Variants in RPL26 observed in about 807,000 individuals in gnomAD.
The protein encoded by RPL26 is large ribosomal subunit protein uL24.
Under a neutral mutation model 16.2 loss-of-function variants are expected in RPL26, and 1 was observed. The ratio of observed to expected loss-of-function variants is 0.06; its 90% CI spans 0.02 to 0.29. RPL26 has a LOEUF of 0.29. RPL26 is among the 10% of genes least tolerant of loss of function. The pLI, the probability that RPL26 is intolerant of heterozygous loss-of-function variation, is 1.00. For synonymous variants in RPL26, 55 were observed against 62.4 expected (o/e 0.88, Z 0.56); for missense variants, 102 against 184.3 (o/e 0.55, Z 2.58).
intron 3 of RPL26, 125 bp downstream of exon 3, chr17:8,379,671 T>C: frequency 1.1e-6 from 1 of 875,396 alleles, no homozygotes. Context: ...TAGTATTTAC[T>C]TTAAAATGTT....
intron 1 of RPL26, 80 bp from the exon 2 acceptor site, chr17:8,382,395 T>C: frequency 9.6e-7 from 1 of 1,042,448 alleles, no homozygotes; most frequent in South Asian, 1.5e-5. Flanking sequence ...TGATTTTATC[T>C]TGATAGTCTA....
intron 2 of RPL26, 57 bp from the exon 3 acceptor site, chr17:8,379,993 A>C (rs1907337251): frequency 6.8e-6 from 10 of 1,480,948 alleles, no homozygotes; most frequent in African/African-American, 1.4e-5. Flanking sequence ...CTTGTAAATC[A>C]AGTAAACAAA....
At chr17:8,378,505 C>A (rs1024262114) in intron 3 of RPL26, among the ~76,000 whole-genome samples, 9 of 149,710 alleles carry the variant, frequency 6.0e-5, no homozygotes, top group Middle Eastern at 3.4e-3. Context: ...ACAAAAAAAA[C>A]CCCACCCCCA....
chr17:8,382,401 G>C, intron 1 of RPL26, 86 bp from the exon 2 acceptor site: 1 of 980,260 alleles, frequency 1.0e-6, no homozygotes, highest in Middle Eastern at 2.1e-4. Flanking sequence ...TATCTTGATA[G>C]TCTAGAATGA....
intron 3 of RPL26, among the ~76,000 whole-genome samples, chr17:8,378,779 G>T (rs896819856): frequency 6.6e-6 from 1 of 152,176 alleles, no homozygotes; most frequent in African/African-American, 2.4e-5. Flanking sequence ...AGTATAGGGA[G>T]CCCGAAAACA....
intron 3 of RPL26, chr17:8,379,560 C>T: frequency 1.7e-6 from 1 of 572,958 alleles, no homozygotes; most frequent in East Asian, 2.9e-5. Flanking sequence ...GGTGAAAGAG[C>T]AAGACTGTCT....
chr17:8,382,713 A>G, intron 1 of RPL26: 1 of 303,782 alleles, frequency 3.3e-6, no homozygotes, highest in East Asian at 6.0e-5. Flanking sequence ...ATCAACGTTC[A>G]TCTTCTACAG....
At chr17:8,377,761 C>T (rs965030296) in intron 3 of RPL26, 69 bp from the exon 4 acceptor site, 1 of 1,414,358 alleles carries the variant, frequency 7.1e-7, no homozygotes. Context: ...GAAAGCCCAA[C>T]ATTCAATACC....
intron 3 of RPL26, 79 bp downstream of exon 3, chr17:8,379,717 A>G: frequency 1.5e-6 from 2 of 1,332,258 alleles, no homozygotes; most frequent in Non-Finnish European, 2.1e-6. Context: ...GACTATTTCT[A>G]TGGCCTTGCT....
At chr17:8,377,727 TTAA>T (rs1567703218) in intron 3 of RPL26, 35 bp from the exon 4 acceptor site, 1 of 1,581,300 alleles carries the variant, frequency 6.3e-7, no homozygotes, top group East Asian at 2.2e-5. Flanking sequence ...CTCCCAAGCT[TTAA>T]ATAATCACTA....
At chr17:8,378,069 G>A (rs952619609) in intron 3 of RPL26, among the ~76,000 whole-genome samples, 1 of 152,176 alleles carries the variant, frequency 6.6e-6, no homozygotes, top group Non-Finnish European at 1.5e-5. Flanking sequence ...GGTGGTTCAT[G>A]CCCCCAATCC....
Position 8,379,877 on chromosome 17 carries a change from C to G in RPL26, c.228G>C (p.Lys76Asn). The change falls in exon 3 of 4, where the codon AAG becomes AAC. Residue 76 changes from lysine to asparagine, a missense_variant. Physicochemically the swap from Lys to Asn is moderately conservative, Grantham distance 94 (BLOSUM62 0). Transcript: ENST00000648839. ...QIGKVVQVYRKKYVIYIERVQ... is the reference protein window; with the variant it reads ...QIGKVVQVYRNKYVIYIERVQ... Reference sequence around the variant, plus strand: ...CCCGTTCAATGTAGATAACATATTTCTTCCTGTAAACCTGGACTACTTTGC... The same window carrying G: ...CCCGTTCAATGTAGATAACATATTTGTTCCTGTAAACCTGGACTACTTTGC... 1 of 1,613,752 alleles carries G rather than the reference C, an allele frequency of 6.2e-7. No homozygotes were observed. The highest frequency in any genetic ancestry group is 1.1e-5 in the South Asian group (1 of 91,074).
intron 2 of RPL26, chr17:8,381,095 A>C (rs1052666275): frequency 5.9e-5 from 9 of 151,990 alleles, no homozygotes; most frequent in African/African-American, 2.2e-4. Context: ...AAACTGGCTC[A>C]TCTGATCTTG....
At chr17:8,382,037 T>C in intron 2 of RPL26, 106 bp downstream of exon 2, 3 of 992,252 alleles carry the variant, frequency 3.0e-6, no homozygotes, top group Non-Finnish European at 4.6e-6. Context: ...TGCCACTCTT[T>C]GGGAGCAAGA....
chr17:8,379,494 C>T (rs1597494595), intron 3 of RPL26: 1 of 496,660 alleles, frequency 2.0e-6, no homozygotes, highest in East Asian at 3.3e-5. Context: ...GAATCGCTTG[C>T]ACTTGGGAGG....
chr17:8,378,490 C>T (rs1907259696), intron 3 of RPL26, among the ~76,000 whole-genome samples: 1 of 151,524 alleles, frequency 6.6e-6, no homozygotes, highest in Admixed American at 6.6e-5. Flanking sequence ...AAAACTCTGT[C>T]CAAAACAAAA....
chr17:8,382,794 C>T (rs1907486424), intron 1 of RPL26: 1 of 371,754 alleles, frequency 2.7e-6, no homozygotes, highest in Non-Finnish European at 4.8e-6. Flanking sequence ...GAAAAGCCTG[C>T]ACACGTCTCG....
At chr17:8,379,039 C>T (rs949699150) in intron 3 of RPL26, 1 of 152,226 alleles carries the variant, frequency 6.6e-6, no homozygotes, top group Non-Finnish European at 1.5e-5. Flanking sequence ...TTAAAACATA[C>T]ACCTGGGTCA....
intron 1 of RPL26, chr17:8,382,918 A>G (rs1907493787): frequency 2.5e-6 from 1 of 396,996 alleles, no homozygotes; most frequent in Non-Finnish European, 4.4e-6. Flanking sequence ...ACTCCAGTCT[A>G]TTTCCACAGG....
Sources: allele counts gnomAD v4.1 joint callset (sites outside exome capture counted in the v4.1 genomes callset), GRCh38; gene constraint gnomAD v4.1.1; transcripts MANE v1.5; gene names NCBI Gene and HGNC (gene_info 2026-07-23, HGNC 2026-07-21).